EPG5: variants seen among roughly 807,000 people sequenced by gnomAD.
EPG5 encodes ectopic P granules protein 5 homolog.
In EPG5, 159 loss-of-function variants were observed where a neutral mutation model predicts 302.7. That is an observed-to-expected ratio of 0.53 (90% CI 0.46 to 0.60). EPG5 has a LOEUF of 0.60. Among genes scored for constraint, EPG5 ranks in the 20% least tolerant of loss-of-function variants. The pLI is 0.00. For missense variants in EPG5, 2,896 were observed against 3,092.4 expected (o/e 0.94, Z 1.51); for synonymous variants, 1,158 against 1,136.8 (o/e 1.02, Z -0.37).
chr18:45,886,354 C>T (rs2049216850), intron 29 of EPG5, among the ~76,000 whole-genome samples: 1 of 152,156 alleles, frequency 6.6e-6, no homozygotes. Context: ...GAGCACTATA[C>T]AGACATGCAA....
rs2049805549 is a variant in EPG5, at chr18:45,908,189, C to T, written c.4206-108G>A. ...ACCCCTACATAAGAGTAAAGAAAGC[C>T]CATAATACAGAAAATGTGGCCAACA... On this transcript the variant is annotated intron_variant, in intron 23 of 43. Coordinates refer to ENST00000282041, the MANE Select transcript of EPG5 (RefSeq NM_020964.3). The T allele has an allele frequency of 5.7e-6, 5 of 870,908 alleles. No homozygotes were observed. The East Asian group carries it at 1.2e-4, about 22-fold the overall frequency. The allele number at this position is 870,908 out of a possible 1,614,324, so 53.9% of individuals were successfully genotyped here.
In EPG5 at chr18:45,954,966, A is replaced by C. The variant is rs769817832; in HGVS notation, c.436T>G (p.Ser146Ala). 1 of 1,613,968 alleles carries C rather than the reference A, an allele frequency of 6.2e-7. No individual in the cohort carries two copies. The highest frequency in any genetic ancestry group is 8.5e-7 in the Non-Finnish European group (1 of 1,179,976). ...KNFTEVEENM[S>A]VQGGLSESAP... ...CTTTCTGAAAGTCCACCTTGTACCG[A>C]CATATTTTCCTCTACCTCTGTGAAG... is the stretch of plus-strand genomic sequence containing the variant. Residue 146 changes from serine to alanine, a missense_variant, in exon 2 of 44, where the codon TCG (serine) becomes GCG (alanine). Coordinates refer to ENST00000282041, the MANE Select transcript of EPG5 (RefSeq NM_020964.3).
Position 45,955,137 on chromosome 18 carries a change from T to G in EPG5, c.265A>C (p.Thr89Pro). 6.2e-7 allele frequency: 1 copy of G among 1,614,102 alleles called. No individual in the cohort carries two copies. The highest frequency in any genetic ancestry group is 8.5e-7 in the Non-Finnish European group (1 of 1,179,996). The change falls in exon 2 of 44, where the codon ACT (threonine) becomes CCT (proline). Residue 89 changes from threonine to proline, a missense_variant. Physicochemically the swap from Thr to Pro is conservative, Grantham distance 38. Around this residue, in one of 5 missense-constraint regions of EPG5, gnomAD observed 1,390 missense variants for 1,430.0 expected, o/e 0.97. Coordinates refer to ENST00000282041, the MANE Select transcript of EPG5 (RefSeq NM_020964.3). ...GTCAGGGACTCTTCATTGCTTATAG[T>G]TAAGGAGGTGAGTGGTACATCAAAC... The part of the protein sequence containing the change: ...EMFDVPLTSL[T>P]ISNEESLTCN...
chr18:45,875,687 T>C (rs1363810601), intron 35 of EPG5, among the ~76,000 whole-genome samples: 5 of 151,976 alleles, frequency 3.3e-5, no homozygotes, highest in African/African-American at 7.2e-5. Context: ...ACAGGCAATA[T>C]TGGAAGAGAG....
chr18:45,852,733 G>A, intron 43 of EPG5, 84 bp from the exon 44 acceptor site: 1 of 1,200,926 alleles, frequency 8.3e-7, no homozygotes, highest in Non-Finnish European at 1.2e-6. Context: ...CATTATCACT[G>A]TGTACTTCAA....
Position 45,910,632 on chromosome 18 carries a change from G to C in EPG5, c.4094C>G (p.Ala1365Gly), listed in dbSNP as rs2049870260. Reference sequence around the variant, plus strand: ...TGGAACACGGAGGGCCTTGCTTGCAGCATGGTGGAAGTCAGCCACCTCGGT... The same window carrying C: ...TGGAACACGGAGGGCCTTGCTTGCACCATGGTGGAAGTCAGCCACCTCGGT... ...RLTEVADFHH[A>G]ASKALRVPAE... is the part of the protein sequence containing the mutation. Residue 1365 changes from alanine (A) to glycine (G), a missense_variant, in exon 23 of 44, where the codon GCT (alanine) becomes GGT (glycine). Ala to Gly is a moderately conservative substitution (Grantham distance 60). This residue lies in a region of EPG5 where 790 missense variants were observed against 798.0 expected (regional missense o/e 0.99). Transcript: ENST00000282041. 3.7e-6 allele frequency: 6 copies of C among 1,614,058 alleles called. No homozygotes were observed. The highest frequency in any genetic ancestry group is 3.4e-6 in the Non-Finnish European group (4 of 1,180,030).
At chr18:45,841,657 C>T in the EPG5 span, among the ~76,000 whole-genome samples, 4 of 152,050 alleles carry the variant, frequency 2.6e-5, no homozygotes, top group African/African-American at 9.7e-5. Flanking sequence ...GCCAGGCTGC[C>T]GGGGTTGGGA....
At position 45,852,667 on chromosome 18, in the gene EPG5, T is replaced by A. The variant is rs757460285; in HGVS notation, c.7558-18A>T. 1 of 1,610,922 alleles carries A rather than the reference T, an allele frequency of 6.2e-7. No individual in the cohort carries two copies. Among genetic ancestry groups the A allele is most frequent in the Admixed American group, 1.7e-5 (1 of 59,884 alleles). On this transcript the variant is annotated intron_variant, in intron 43 of 43. Transcript: ENST00000282041. The stretch of plus-strand genomic sequence containing the variant: ...TTCAGAGCCTAAAAGACACGGAAGA[T>A]GAGAGGGTTAACTCCATAGAGGCAC...
intron 23 of EPG5, among the ~76,000 whole-genome samples, chr18:45,909,099 T>C (rs2049830191): frequency 6.6e-6 from 1 of 152,218 alleles, no homozygotes; most frequent in South Asian, 2.1e-4. Context: ...GGAGATGGTC[T>C]GGCCTGACTT....
chr18:45,815,676 T>C, the EPG5 span, among the ~76,000 whole-genome samples: 1 of 152,226 alleles, frequency 6.6e-6, no homozygotes, highest in African/African-American at 2.4e-5. Flanking sequence ...CCCATGCTCA[T>C]GCATGGATAC....
At chr18:45,813,162 A>G in the EPG5 span, among the ~76,000 whole-genome samples, 1 of 152,242 alleles carries the variant, frequency 6.6e-6, no homozygotes, top group African/African-American at 2.4e-5. Flanking sequence ...GACACATGAA[A>G]AAATGCTCAT....
At chr18:45,877,405 T>G (rs2048996860) in intron 34 of EPG5, among the ~76,000 whole-genome samples, 1 of 151,922 alleles carries the variant, frequency 6.6e-6, no homozygotes, top group Admixed American at 6.6e-5. Flanking sequence ...AGCAACAGAG[T>G]GAGACTCTGT....
chr18:45,946,968 T>C (rs189387618), intron 6 of EPG5, among the ~76,000 whole-genome samples, 200 bp from the exon 7 acceptor site: 221 of 152,348 alleles, frequency 1.5e-3, no homozygotes, highest in African/African-American at 5.1e-3. Context: ...TCTGAATTAG[T>C]AATGATGAAT....
chr18:45,875,888 C>G (rs1338878045), intron 35 of EPG5, among the ~76,000 whole-genome samples: 1 of 152,050 alleles, frequency 6.6e-6, no homozygotes, highest in East Asian at 1.9e-4. Flanking sequence ...AACCCCGTCT[C>G]TACTAAAACT....
intron 9 of EPG5, among the ~76,000 whole-genome samples, chr18:45,942,187 T>C (rs1282112000): frequency 6.6e-6 from 1 of 151,698 alleles, no homozygotes; most frequent in African/African-American, 2.4e-5. Context: ...ATCGCACCAC[T>C]GCACTCCAGC....
chr18:45,840,377 C>T, the EPG5 span: 1 of 984,362 alleles, frequency 1.0e-6, no homozygotes, highest in South Asian at 1.9e-5. Context: ...GCTGGGCCTT[C>T]CTTGCAGCCC....
At chr18:45,919,621 T>C (rs2050110010) in intron 16 of EPG5, among the ~76,000 whole-genome samples, 7 of 151,352 alleles carry the variant, frequency 4.6e-5, no homozygotes, top group African/African-American at 1.5e-4. Flanking sequence ...CACGCCATTC[T>C]CCTGCCTCAG....
At chr18:45,913,470 C>A (rs2049957776) in intron 21 of EPG5, among the ~76,000 whole-genome samples, 1 of 152,200 alleles carries the variant, frequency 6.6e-6, no homozygotes. Context: ...GCAATGACAA[C>A]ACCCGTCACA....
At chr18:45,815,797 T>G in the EPG5 span, among the ~76,000 whole-genome samples, 1 of 152,200 alleles carries the variant, frequency 6.6e-6, no homozygotes, top group Non-Finnish European at 1.5e-5. Context: ...AATTCTGAAA[T>G]TCATATAGAA....
Sources: gnomAD v4.1 joint callset for allele counts (sites outside exome capture counted in the v4.1 genomes callset) on GRCh38, gnomAD v4.1.1 for gene constraint, gnomAD v4.1.1 regional missense constraint, MANE v1.5 for transcripts, NCBI Gene and HGNC (gene_info 2026-07-23, HGNC 2026-07-21) for gene names.